MICAL1: variants seen among roughly 807,000 people sequenced by gnomAD.
MICAL1 encodes the protein [F-actin]-monooxygenase MICAL1.
Under a neutral mutation model 131.8 loss-of-function variants are expected in MICAL1, and 95 were observed. The observed-to-expected ratio is 0.72, with a 90% CI of 0.61 to 0.86. The LOEUF is 0.86. Ranked by LOEUF, MICAL1 falls within the 40% of genes least tolerant of loss-of-function variation. The pLI is 0.00. For missense variants in MICAL1, 1,292 were observed against 1,380.6 expected (o/e 0.94, Z 1.02); for synonymous variants, 546 against 554.2 (o/e 0.99, Z 0.21).
intron 14 of MICAL1, 49 bp downstream of exon 14, chr6:109,447,826 C>G (rs1412174500): frequency 4.3e-6 from 7 of 1,611,418 alleles, no homozygotes; most frequent in Non-Finnish European, 5.9e-6. Context: ...CTGGGTACCC[C>G]CCTGCCCACT....
Position 109,446,394 on chromosome 6 carries a change from C to T in MICAL1, c.2323G>A (p.Glu775Lys), listed in dbSNP as rs557399186. 8.4e-6 allele frequency: 12 copies of T among 1,427,142 alleles called. No homozygotes were observed. The highest frequency in any genetic ancestry group is 2.0e-5 in the Admixed American group (1 of 50,242). The allele number at this position is 1,427,142 out of a possible 1,614,324, so 88.4% of individuals were successfully genotyped here. The change falls in exon 19 of 25, where the codon GAG becomes AAG. Residue 775 changes from glutamate (E) to lysine (K), a missense_variant. Transcript: ENST00000358807. Reference sequence around the variant, plus strand: ...GAGAGGCCTGGTGGCATGCTATTCTCACTTGGTGTGGGGAGCTCCTGGAAA... The same window carrying T: ...GAGAGGCCTGGTGGCATGCTATTCTTACTTGGTGTGGGGAGCTCCTGGAAA... ...PESPELPTPS[E>K]NSMPPGLSTP...
chr6:109,465,824 A>C, exon 1 of MICAL1: 1 of 1,614,188 alleles, frequency 6.2e-7, no homozygotes, highest in Non-Finnish European at 8.5e-7. Flanking sequence ...AGAAGAGCCC[A>C]ATCAAGCAGT....
At chr6:109,455,892 G>T (rs1775731424), upstream of MICAL1, 1 of 985,530 alleles carries the variant, frequency 1.0e-6, no homozygotes, top group Non-Finnish European at 1.2e-6. This position sits in a 1 kb window ranked among gnomAD's most constrained non-coding sequence, Gnocchi z 4.7. Context: ...GGGCTTCCGC[G>T]AGGGGCGCGG....
At position 109,445,548 on chromosome 6, in the gene MICAL1, A is replaced by G. The variant is rs770068877; in HGVS notation, c.2674-19T>C. On this transcript the variant is annotated intron_variant, in intron 20 of 24. Coordinates refer to ENST00000358807, the MANE Select transcript of MICAL1 (RefSeq NM_022765.4). ...GCAGGGCCTATAGGAGGGTCAGGCC[A>G]GTCAGGGATAGGGCCTGGGCCCCCT... 16 of 1,611,788 alleles carry G rather than the reference A, an allele frequency of 9.9e-6. No homozygotes were observed. Among genetic ancestry groups the G allele is most frequent in the Non-Finnish European group, 1.2e-5 (14 of 1,178,014 alleles).
chr6:109,456,045 GCTCTGGGGC>G (rs560912462), upstream of MICAL1: 309 of 985,830 alleles, frequency 3.1e-4, 10 homozygotes, highest in South Asian at 0.014. Flanking sequence ...ACCCCGTTCC[GCTCTGGGGC>G]CTCTGGGTGG....
intron 24 of MICAL1, 52 bp downstream of exon 24, chr6:109,444,673 C>T: frequency 6.3e-7 from 1 of 1,593,356 alleles, no homozygotes; most frequent in Non-Finnish European, 8.6e-7. Context: ...GATCATGAGG[C>T]TTGCATGACA....
chr6:109,449,878 T>TCCTC, intron 9 of MICAL1, 92 bp downstream of exon 9: 4 of 1,585,736 alleles, frequency 2.5e-6, no homozygotes, highest in Non-Finnish European at 3.4e-6. Flanking sequence ...TTCTGCCTAT[T>TCCTC]CCTCCGTCTA....
At chr6:109,456,639 G>A (rs945462024), upstream of MICAL1, among the ~76,000 whole-genome samples, 3 of 152,146 alleles carry the variant, frequency 2.0e-5, no homozygotes, top group Non-Finnish European at 4.4e-5. Context: ...GGCTGGAGAG[G>A]CCTTTGGGAT....
In MICAL1 at chr6:109,444,920, G is replaced by A; in HGVS notation, c.2957C>T (p.Ala986Val). The stretch of plus-strand genomic sequence containing the variant: ...CGTGATCATGAGCTCGGCCTCCTCA[G>A]CCACCAGGCTGTTTTTCTTGTCAAC... Reference protein sequence around the residue: ...QLVDKKNSLVAEEAELMITVQ... With the variant: ...QLVDKKNSLVVEEAELMITVQ... Residue 986 changes from alanine (A) to valine (V), a missense_variant, in exon 23 of 25, where the codon GCT (alanine) becomes GTT (valine). By Grantham distance (64) the Ala-to-Val change is moderately conservative. Coordinates refer to ENST00000358807, the MANE Select transcript of MICAL1 (RefSeq NM_022765.4). The A allele has an allele frequency of 6.2e-7, 1 of 1,614,154 alleles. No individual in the cohort carries two copies. Among genetic ancestry groups the A allele is most frequent in the Non-Finnish European group, 8.5e-7 (1 of 1,180,032 alleles).
upstream of MICAL1, chr6:109,456,135 G>A (rs1775739000): frequency 1.7e-6 from 1 of 593,404 alleles, no homozygotes; most frequent in Non-Finnish European, 2.1e-6. Context: ...CCCTCGGCCT[G>A]GGCTCCTTGC....
intron 1 of MICAL1, chr6:109,462,644 A>G (rs1429276321): frequency 6.6e-6 from 1 of 152,226 alleles, no homozygotes; most frequent in African/African-American, 2.4e-5. Context: ...CATTTATAAC[A>G]CAAGAACCAA....
intron 20 of MICAL1, 42 bp downstream of exon 20, chr6:109,445,729 T>C (rs1160966885): frequency 6.3e-7 from 1 of 1,588,346 alleles, no homozygotes; most frequent in East Asian, 2.3e-5. Context: ...TCTCCTGTAG[T>C]GGGCTGGAGA....
rs1388435714 is a variant in MICAL1, at chr6:109,453,192, A to G, written c.571+71T>C. 1.1e-5 allele frequency: 14 copies of G among 1,263,730 alleles called. No individual in the cohort carries two copies. In the Admixed American group the frequency reaches 2.2e-4, roughly 20 times the overall value. The allele number at this position is 1,263,730 out of a possible 1,614,324, so 78.3% of individuals were successfully genotyped here. A position where few individuals can be genotyped will look rare whatever the true frequency, so the allele number is the denominator to read the frequency against. ...AAACAGAAAAGGACACTCCTGGCCC[A>G]TCCTTTTTCAGACACTGGCCAAGTT... On this transcript the variant is annotated intron_variant, in intron 4 of 24. Transcript: ENST00000358807.
upstream of MICAL1, among the ~76,000 whole-genome samples, chr6:109,456,488 A>T: frequency 6.6e-6 from 1 of 152,160 alleles, no homozygotes; most frequent in Non-Finnish European, 1.5e-5. Context: ...CCAAATGGAT[A>T]TGAGAAGTGA....
Position 109,445,260 on chromosome 6 carries a change from C to G in MICAL1, c.2818G>C (p.Ala940Pro), listed in dbSNP as rs1228684026. ...TCGGCCTCTAGCTCCCTCAAGGCAG[C>G]CTCAATCTCATTTAGTCGCCGTTGG... ...TIQRRLNEIE[A>P]ALRELEAEGV... The change falls in exon 22 of 25, where the codon GCT (alanine) becomes CCT (proline). Residue 940 changes from alanine (A) to proline (P), a missense_variant. By Grantham distance (27) the Ala-to-Pro change is conservative. Coordinates refer to ENST00000358807, the MANE Select transcript of MICAL1 (RefSeq NM_022765.4). 15 of 1,614,134 alleles carry G rather than the reference C, an allele frequency of 9.3e-6. No homozygotes were observed. Among genetic ancestry groups the G allele is most frequent in the South Asian group, 2.2e-5 (2 of 91,088 alleles).
upstream of MICAL1, among the ~76,000 whole-genome samples, chr6:109,457,692 G>A (rs1054038261): frequency 2.0e-5 from 3 of 152,176 alleles, no homozygotes; most frequent in Admixed American, 2.0e-4. Context: ...ACTTTGCAAA[G>A]GCTTAGTGGG....
Position 109,449,726 on chromosome 6 carries a change from C to T in MICAL1, c.1365G>A (p.Val455=). 1 of 1,602,398 alleles carries T rather than the reference C, an allele frequency of 6.2e-7. No homozygotes were observed. The highest frequency in any genetic ancestry group is 8.5e-7 in the Non-Finnish European group (1 of 1,174,374). The change falls in exon 10 of 25, where the codon GTG becomes GTA. Residue 455 remains valine (V), a synonymous_variant. Coordinates refer to ENST00000358807, the MANE Select transcript of MICAL1 (RefSeq NM_022765.4). ...TGGCTGGGTCCAGCCCATACTGGGC[C>T]ACATTGCGATGCATGTTTTCTGGGG... ...QTSPENMHRN[V]AQYGLDPATR... is the part of the protein sequence containing the mutation.
At position 109,455,092 on chromosome 6, in the gene MICAL1, C is replaced by T. The variant is rs1192307663; in HGVS notation, c.-44+627G>A. Among the ~76,000 whole-genome samples, 1 of 151,272 alleles carries T rather than the reference C, an allele frequency of 6.6e-6. No individual in the cohort carries two copies. Among genetic ancestry groups the T allele is most frequent in the East Asian group, 2.0e-4 (1 of 5,020 alleles). Reference sequence around the variant, plus strand: ...CCCGGGCGCGCTCTCCCAGGAATCTCCGGAGACAAAGCCTCGCTTTGTCGC... The same window carrying T: ...CCCGGGCGCGCTCTCCCAGGAATCTTCGGAGACAAAGCCTCGCTTTGTCGC... On this transcript the variant is annotated intron_variant, in intron 1 of 24. Transcript: ENST00000358807. This position sits in a 1 kb window ranked among gnomAD's most constrained non-coding sequence, Gnocchi z 4.7.
chr6:109,446,666 C>T (rs1388693191), intron 18 of MICAL1, 30 bp downstream of exon 18: 3 of 1,606,472 alleles, frequency 1.9e-6, no homozygotes, highest in Non-Finnish European at 2.6e-6. Context: ...TTCCCATGCC[C>T]CAATATACAT....
Sources: gnomAD v4.1 joint callset for allele counts (sites outside exome capture counted in the v4.1 genomes callset) on GRCh38, gnomAD v4.1.1 for gene constraint, Gnocchi (gnomAD v3.1) non-coding constraint, MANE v1.5 for transcripts, NCBI Gene and HGNC (gene_info 2026-07-23, HGNC 2026-07-21) for gene names.